The following RHOA variants were observed in gnomAD, a reference collection of about 807,000 sequenced individuals.
RHOA encodes the protein ras homolog family member A.
In RHOA, 3 loss-of-function variants were observed where a neutral mutation model predicts 17.5. That is an observed-to-expected ratio of 0.17 (90% CI 0.08 to 0.44). RHOA has a LOEUF of 0.44. Ranked by LOEUF, RHOA falls within the 20% of genes least tolerant of loss-of-function variation. The pLI, the probability that RHOA is intolerant of heterozygous loss-of-function variation, is 0.99. For missense variants in RHOA, 56 were observed against 242.3 expected (o/e 0.23, Z 5.10); for synonymous variants, 98 against 88.4 (o/e 1.11, Z -0.61).
intron 1 of RHOA, among the ~76,000 whole-genome samples, chr3:49,386,789 T>C (rs1190994845): frequency 6.6e-6 from 1 of 152,126 alleles, no homozygotes; most frequent in East Asian, 1.9e-4. Flanking sequence ...TGTCTATGTC[T>C]ATATTCAGTA....
chr3:49,385,058 CG>C (rs369187463), intron 1 of RHOA, among the ~76,000 whole-genome samples: 1 of 150,584 alleles, frequency 6.6e-6, no homozygotes, highest in African/African-American at 2.4e-5. Flanking sequence ...AAGACTGTCT[CG>C]GGGGAAAAAC....
chr3:49,368,392 A>T (rs2048093536), intron 3 of RHOA, 36 bp downstream of exon 3: 1 of 1,595,538 alleles, frequency 6.3e-7, no homozygotes, highest in Admixed American at 1.7e-5. Flanking sequence ...CTAGCTACAC[A>T]GGCAGTGACA....
intron 1 of RHOA, among the ~76,000 whole-genome samples, chr3:49,388,431 G>A (rs2048436613): frequency 6.6e-6 from 1 of 152,172 alleles, no homozygotes; most frequent in South Asian, 2.1e-4. Context: ...AAGTCAAAGT[G>A]ATTTCCTGGG....
At chr3:49,376,156 T>C (rs533369062) in intron 1 of RHOA, among the ~76,000 whole-genome samples, 11 of 152,148 alleles carry the variant, frequency 7.2e-5, no homozygotes, top group African/African-American at 2.6e-4. Flanking sequence ...TTGCTACTTC[T>C]ATCCAGCAGG....
chr3:49,404,456 A>ACACACACACACACACACACACG (rs2048781322), intron 1 of RHOA, among the ~76,000 whole-genome samples: 1 of 148,928 alleles, frequency 6.7e-6, no homozygotes, highest in East Asian at 2.0e-4. Flanking sequence ...ACACACACAC[A>ACACACACACACACACACACACG]CAAAATTAGC....
At chr3:49,366,137 C>T (rs1276243275) in intron 3 of RHOA, among the ~76,000 whole-genome samples, 3 of 152,028 alleles carry the variant, frequency 2.0e-5, no homozygotes, top group African/African-American at 4.8e-5. Context: ...CACTAGATAA[C>T]GAGGGCAAAG....
intron 1 of RHOA, among the ~76,000 whole-genome samples, chr3:49,409,179 G>T (rs1334751670): frequency 2.0e-5 from 3 of 151,864 alleles, no homozygotes; most frequent in African/African-American, 7.3e-5. Context: ...CGGATCACCT[G>T]AGGTCAGGAG....
intron 3 of RHOA, 21 bp downstream of exon 3, chr3:49,368,407 T>C (rs754713343): frequency 1.2e-6 from 2 of 1,603,134 alleles, no homozygotes; most frequent in Admixed American, 1.7e-5. Flanking sequence ...GTGACAAATA[T>C]CAGGGTGCAG....
intron 1 of RHOA, among the ~76,000 whole-genome samples, chr3:49,409,429 G>A (rs75189680): frequency 6.6e-6 from 1 of 151,986 alleles, no homozygotes; most frequent in South Asian, 2.1e-4. Context: ...ACAACTATAT[G>A]GCCAATTTTA....
chr3:49,365,193 A>G (rs1371514960), intron 3 of RHOA: 1 of 145,278 alleles, frequency 6.9e-6, no homozygotes, highest in African/African-American at 2.6e-5. Context: ...CCCAGGCTGG[A>G]GCGCAGTGGC....
rs1217734096 is a variant in RHOA at position 49,393,680 on chromosome 3, G to C, written c.-2-18089C>G. Among the ~76,000 whole-genome samples the C allele has an allele frequency of 5.5e-4, 4 of 7,216 alleles. 1 individual carries two copies. The highest frequency in any genetic ancestry group is 1.3e-3 in the African/African-American group (4 of 3,150). 4.7% of individuals were successfully genotyped at this position (7,216 alleles called of 152,430 possible). ...CCCTTGTCTCAAATTCTCTCTCTGTGTGTGTGTGTGTGTGTGTGTGTGTGT... is the reference window on the plus strand; with the variant it reads ...CCCTTGTCTCAAATTCTCTCTCTGTCTGTGTGTGTGTGTGTGTGTGTGTGT... On this transcript the variant is annotated intron_variant, in intron 1 of 4. Coordinates refer to ENST00000418115, the MANE Select transcript of RHOA (RefSeq NM_001664.4).
At chr3:49,371,081 G>A (rs2048139773) in intron 2 of RHOA, among the ~76,000 whole-genome samples, 1 of 151,936 alleles carries the variant, frequency 6.6e-6, no homozygotes, top group African/African-American at 2.4e-5. Flanking sequence ...TTACTCCCTG[G>A]CAAATCCCAC....
At chr3:49,403,441 G>C (rs1161196213) in intron 1 of RHOA, among the ~76,000 whole-genome samples, 1 of 152,190 alleles carries the variant, frequency 6.6e-6, no homozygotes, top group Non-Finnish European at 1.5e-5. Flanking sequence ...CTGGCGGTTT[G>C]TGGTGGCTCA....
chr3:49,367,358 A>C (rs1286186455), intron 3 of RHOA, among the ~76,000 whole-genome samples: 1 of 148,304 alleles, frequency 6.7e-6, no homozygotes, highest in Non-Finnish European at 1.5e-5. Context: ...AAAAAAAAAA[A>C]AAAAAAAAGA....
At chr3:49,380,398 T>G (rs910528699) in intron 1 of RHOA, among the ~76,000 whole-genome samples, 1 of 152,076 alleles carries the variant, frequency 6.6e-6, no homozygotes, top group Non-Finnish European at 1.5e-5. Flanking sequence ...TTACCTATAG[T>G]CAAACTAATC....
chr3:49,370,361 T>G lies in RHOA; in HGVS notation c.157-1813A>C, dbSNP rs150431768. Among the ~76,000 whole-genome samples the G allele has an allele frequency of 4.1e-3, 624 of 152,312 alleles. 7 individuals are homozygous for G. Among genetic ancestry groups the G allele is most frequent in the African/African-American group, 0.014 (597 of 41,574 alleles). The stretch of plus-strand genomic sequence containing the variant: ...AAAAGTGTTTAATTATAAATAACAT[T>G]CTACTAGGAAAGAAAGCAGACAGGA... On this transcript the variant is annotated intron_variant, in intron 2 of 4. Transcript: ENST00000418115.
rs373598502 is a variant in RHOA at position 49,390,066 on chromosome 3, C to T, written c.-2-14475G>A. 6.6e-5 allele frequency among the ~76,000 whole-genome samples: 10 copies of T among 151,974 alleles called. No homozygotes were observed. The East Asian group carries it at 1.2e-3, about 18-fold the overall frequency. Reference sequence around the variant, plus strand: ...AAGGAGCCTTCCCCTCCTTTATTGGCGGGTCCCCGTCCATCTATAATACCC... The same window carrying T: ...AAGGAGCCTTCCCCTCCTTTATTGGTGGGTCCCCGTCCATCTATAATACCC... On this transcript the variant is annotated intron_variant, in intron 1 of 4. Coordinates refer to ENST00000418115, the MANE Select transcript of RHOA (RefSeq NM_001664.4).
At chr3:49,385,708 GT>G (rs58545098) in intron 1 of RHOA, among the ~76,000 whole-genome samples, 36,157 of 151,898 alleles carry the variant, frequency 0.24, 4,611 homozygotes, top group Middle Eastern at 0.29. Flanking sequence ...TCTTTCTATA[GT>G]TTTAAGTCTT....
At chr3:49,403,070 G>A (rs924033482) in intron 1 of RHOA, among the ~76,000 whole-genome samples, 7 of 150,622 alleles carry the variant, frequency 4.6e-5, no homozygotes, top group South Asian at 2.1e-4. Flanking sequence ...CGCCGAGCGC[G>A]GTGGCTCACG....
Sources: allele counts gnomAD v4.1 joint callset (sites outside exome capture counted in the v4.1 genomes callset), GRCh38; gene constraint gnomAD v4.1.1; transcripts MANE v1.5; gene names NCBI Gene and HGNC (gene_info 2026-07-23, HGNC 2026-07-21).